The following GLIPR1L1 variants were observed in gnomAD, a reference collection of about 807,000 sequenced individuals.
The protein encoded by GLIPR1L1 is GLIPR1-like protein 1.
A neutral mutation model predicts 29.9 loss-of-function variants in GLIPR1L1; 26 were observed. The observed-to-expected ratio is 0.87, with a 90% confidence interval of 0.64 to 1.21. The LOEUF is 1.21. GLIPR1L1 is among the 50% of genes most tolerant of loss of function. The pLI is 0.00. For synonymous variants in GLIPR1L1, 77 were observed against 97.5 expected, an observed-to-expected ratio of 0.79 and a Z score of 1.24; for missense variants, 305 against 290.3, an observed-to-expected ratio of 1.05 and a Z score of -0.37.
chr12:75,366,539 C>T (rs1026800846), intron 4 of GLIPR1L1, among the ~76,000 whole-genome samples: 40 of 152,076 alleles, frequency 2.6e-4, no homozygotes, highest in African/African-American at 9.2e-4. Flanking sequence ...TGCCCTCAAA[C>T]TTTTTCATTT....
At chr12:75,338,133 C>G (rs193131048) in intron 1 of GLIPR1L1, among the ~76,000 whole-genome samples, 1 of 152,036 alleles carries the variant, frequency 6.6e-6, no homozygotes, top group Admixed American at 6.6e-5. Context: ...TACCCTGACA[C>G]CAAACCAGAA....
chr12:75,334,972 C>A, intron 1 of GLIPR1L1, 70 bp downstream of exon 1: 1 of 1,428,916 alleles, frequency 7.0e-7, no homozygotes, highest in Non-Finnish European at 9.6e-7. Flanking sequence ...ATAAATTTCA[C>A]GGACTTAACT....
rs1565970648 is a variant in GLIPR1L1, at chr12:75,347,717, A to G, written c.516A>G (p.Gly172=). The change falls in exon 3 of 6, where the codon GGA becomes GGG. Residue 172 remains glycine, a synonymous_variant. Coordinates refer to ENST00000378695, the MANE Select transcript of GLIPR1L1 (RefSeq NM_001304964.2). The part of the protein sequence containing the change: ...ASTAIFVCNY[G]PAGNFANMPP... ...CTGCAATATTTGTATGCAACTACGG[A>G]CCTGCGTGAGTTATTTTCTCTTAAA... 3 of 1,585,154 alleles carry G rather than the reference A, an allele frequency of 1.9e-6. No homozygotes were observed. Among genetic ancestry groups the G allele is most frequent in the Admixed American group, 3.4e-5 (2 of 58,906 alleles).
chr12:75,343,626 C>T (rs2139345843), intron 1 of GLIPR1L1, 67 bp from the exon 2 acceptor site: 1 of 1,224,794 alleles, frequency 8.2e-7, no homozygotes, highest in Non-Finnish European at 1.1e-6. Context: ...TAGTTGATTA[C>T]AATAATTAGA....
At chr12:75,345,477 C>T (rs1347974329) in intron 2 of GLIPR1L1, among the ~76,000 whole-genome samples, 1 of 152,154 alleles carries the variant, frequency 6.6e-6, no homozygotes, top group Non-Finnish European at 1.5e-5. Flanking sequence ...TAACCTTCTT[C>T]TCTAGACTTA....
chr12:75,354,318 A>G (rs1231553109), intron 3 of GLIPR1L1, among the ~76,000 whole-genome samples: 1 of 152,140 alleles, frequency 6.6e-6, no homozygotes, highest in African/African-American at 2.4e-5. Flanking sequence ...AAAAGTCACA[A>G]GCATTCCTGT....
chr12:75,355,630 A>G lies in GLIPR1L1; in HGVS notation c.522-7472A>G, dbSNP rs1354535125. Among the ~76,000 whole-genome samples the G allele has an allele frequency of 3.9e-5, 6 of 152,208 alleles. No homozygotes were observed. In the South Asian group the frequency reaches 1.0e-3, roughly 26 times the overall value. On this transcript the variant is annotated intron_variant, in intron 3 of 5. Transcript: ENST00000378695. Reference sequence around the variant, plus strand: ...TGACCCAGCAATCCCATCGCTAGGTATATACCCAAAAAATATAAATTATTC... The same window carrying G: ...TGACCCAGCAATCCCATCGCTAGGTGTATACCCAAAAAATATAAATTATTC...
intron 3 of GLIPR1L1, among the ~76,000 whole-genome samples, chr12:75,351,713 A>T (rs1205446106): frequency 6.6e-6 from 1 of 151,964 alleles, no homozygotes; most frequent in East Asian, 1.9e-4. Context: ...CACCCAGCTA[A>T]TTTTTGTATT....
intron 3 of GLIPR1L1, among the ~76,000 whole-genome samples, chr12:75,358,881 TTA>T (rs891954842): frequency 7.1e-6 from 1 of 140,152 alleles, no homozygotes; most frequent in African/African-American, 2.7e-5. Flanking sequence ...TAATATATAA[TTA>T]TATATATTAC....
At chr12:75,363,220 T>C (rs2043734304) in intron 4 of GLIPR1L1, 30 bp downstream of exon 4, 2 of 1,010,994 alleles carry the variant, frequency 2.0e-6, no homozygotes, top group Non-Finnish European at 2.7e-6. Flanking sequence ...TATAATTACA[T>C]TTAGAGAGTA....
chr12:75,369,597 T>C (rs541951895), intron 4 of GLIPR1L1: 103 of 984,840 alleles, frequency 1.0e-4, no homozygotes, highest in Middle Eastern at 5.2e-4. Context: ...AATGAGATTG[T>C]TAATGAGTTC....
At chr12:75,339,539 G>T (rs2041961742) in intron 1 of GLIPR1L1, among the ~76,000 whole-genome samples, 1 of 152,084 alleles carries the variant, frequency 6.6e-6, no homozygotes, top group Non-Finnish European at 1.5e-5. Flanking sequence ...CATTCTGTAG[G>T]TTGTCTGTTC....
chr12:75,363,010 T>C lies in GLIPR1L1; in HGVS notation c.522-92T>C. Reference sequence around the variant, plus strand: ...TTTTTCATTTTCAACATTTATGACTTAATAAATGACTAAAACAACTTGCAT... The same window carrying C: ...TTTTTCATTTTCAACATTTATGACTCAATAAATGACTAAAACAACTTGCAT... On this transcript the variant is annotated intron_variant, in intron 3 of 5. Transcript: ENST00000378695. The C allele has an allele frequency of 1.2e-5, 7 of 586,772 alleles. No homozygotes were observed. The South Asian group carries it at 1.4e-4, about 11-fold the overall frequency. The allele number at this position is 586,772 out of a possible 1,614,324, so 36.3% of individuals were successfully genotyped here.
chr12:75,346,703 T>C (rs1331192008), intron 2 of GLIPR1L1, among the ~76,000 whole-genome samples: 1 of 152,218 alleles, frequency 6.6e-6, no homozygotes, highest in African/African-American at 2.4e-5. Context: ...CTTTTGCTGG[T>C]AAATATTTTT....
At chr12:75,356,008 CA>C (rs1355476145) in intron 3 of GLIPR1L1, among the ~76,000 whole-genome samples, 2 of 151,796 alleles carry the variant, frequency 1.3e-5, no homozygotes, top group African/African-American at 4.8e-5. Context: ...AGAGCATCAG[CA>C]AAAATAGCTA....
At chr12:75,361,198 C>A (rs983224572) in intron 3 of GLIPR1L1, among the ~76,000 whole-genome samples, 2 of 150,752 alleles carry the variant, frequency 1.3e-5, no homozygotes, top group African/African-American at 4.9e-5. Flanking sequence ...TGTTGGTATG[C>A]CAAAAAAAAT....
intron 3 of GLIPR1L1, among the ~76,000 whole-genome samples, chr12:75,355,543 G>A (rs1374635444): frequency 6.6e-6 from 1 of 152,124 alleles, no homozygotes; most frequent in African/African-American, 2.4e-5. Flanking sequence ...CTCCACAATA[G>A]TCAAACCATT....
At chr12:75,335,061 A>G (rs1179192535) in intron 1 of GLIPR1L1, among the ~76,000 whole-genome samples, 159 bp downstream of exon 1, 2 of 152,222 alleles carry the variant, frequency 1.3e-5, no homozygotes, top group Admixed American at 6.5e-5. Context: ...TGTCTCCTCC[A>G]GAGTCATAGG....
intron 3 of GLIPR1L1, among the ~76,000 whole-genome samples, chr12:75,359,355 G>GTTTTTTTTTTTTTTTT (rs1463566931): frequency 2.2e-5 from 1 of 46,432 alleles, no homozygotes; most frequent in Non-Finnish European, 4.2e-5. Flanking sequence ...CAGCATTGTT[G>GTTTTTTTTTTTTTTTT]TCTTTTTTTT....
Sources: allele counts gnomAD v4.1 joint callset (sites outside exome capture counted in the v4.1 genomes callset), GRCh38; gene constraint gnomAD v4.1.1; transcripts MANE v1.5; gene names NCBI Gene and HGNC (gene_info 2026-07-23, HGNC 2026-07-21).